The following TSR1 variants were observed in gnomAD, a reference collection of about 807,000 sequenced individuals.
The protein encoded by TSR1 is TSR1 ribosome maturation factor, also known as pre-rRNA-processing protein TSR1 homolog.
A neutral mutation model predicts 90.9 loss-of-function variants in TSR1; 81 were observed. The ratio of observed to expected loss-of-function variants is 0.89; its 90% confidence interval spans 0.74 to 1.07. The LOEUF (loss-of-function observed/expected upper bound fraction) is 1.07. Among genes scored for constraint, TSR1 ranks in the 50% least tolerant of loss-of-function variants. The pLI, the probability that TSR1 is intolerant of heterozygous loss-of-function variation, is 0.00. For synonymous variants in TSR1, 362 were observed against 348.8 expected (o/e 1.04, Z -0.42); for missense variants, 989 against 987.3 (o/e 1.00, Z -0.02).
chr17:2,330,627 T>G lies in TSR1; in HGVS notation c.1660-2A>C, dbSNP rs1423093502. The G allele has an allele frequency of 1.2e-6, 2 of 1,612,850 alleles. No individual in the cohort carries two copies. The highest frequency in any genetic ancestry group is 1.7e-5 in the Admixed American group (1 of 59,788). ...ATGAAGTGTGACATACCAGCCAACC[T>G]GCCACAAGAAAGCAGAAAGCAATCA... On this transcript the variant is annotated splice_acceptor_variant, in intron 9 of 14. Coordinates refer to ENST00000301364, the MANE Select transcript of TSR1 (RefSeq NM_018128.5). LOFTEE classifies it high-confidence loss of function.
In TSR1 at chr17:2,324,682, T is replaced by A. The variant is rs369408389; in HGVS notation, c.2161+7A>T. The A allele has an allele frequency of 6.8e-6, 11 of 1,613,988 alleles. No individual in the cohort carries two copies. The highest frequency in any genetic ancestry group is 9.3e-6 in the Non-Finnish European group (11 of 1,180,020). On this transcript the variant is annotated splice_region_variant and intron_variant, in intron 13 of 14. Transcript: ENST00000301364. ...AATCAGATCCCATCCTCCTCCTTCA[T>A]ACCCACCTCTGTTGAAGAACATGTA... is the stretch of plus-strand genomic sequence containing the variant.
intron 11 of TSR1, among the ~76,000 whole-genome samples, chr17:2,328,105 T>C (rs1195385158): frequency 6.6e-6 from 1 of 151,250 alleles, no homozygotes; most frequent in East Asian, 1.9e-4. Context: ...TAGCTAGGCG[T>C]GGTGGCGGGT....
At position 2,333,705 on chromosome 17, in the gene TSR1, C is replaced by T. The variant is rs780392734; in HGVS notation, c.993G>A (p.Thr331=). 16 of 1,613,866 alleles carry T rather than the reference C, an allele frequency of 9.9e-6. No homozygotes were observed. The highest frequency in any genetic ancestry group is 1.6e-4 in the Middle Eastern group (1 of 6,084). Residue 331 remains threonine, a synonymous_variant, in exon 6 of 15, where the codon ACG becomes ACA. Transcript: ENST00000301364. ...DPDMAMEICA[T]DAVDDMEEGL... is the part of the protein sequence containing the mutation. ...CTTCTTCCATATCATCTACAGCATC[C>T]GTAGCACAAATCTGAAAACCAAAAG...
chr17:2,325,010 C>CT (rs2075567186), intron 12 of TSR1, 181 bp from the exon 13 acceptor site: 1 of 658,270 alleles, frequency 1.5e-6, no homozygotes, highest in African/African-American at 1.8e-5. Flanking sequence ...TTCTTGAAAA[C>CT]TTGTACTTCA....
In TSR1 at chr17:2,332,151, A is replaced by G; in HGVS notation, c.1496+18T>C. ...GTATTGACTGAATTTAGATTTGTTGATAGACTTGTTGACTAACCGAATTCG... is the reference window on the plus strand; with the variant it reads ...GTATTGACTGAATTTAGATTTGTTGGTAGACTTGTTGACTAACCGAATTCG... On this transcript the variant is annotated intron_variant, in intron 8 of 14. Transcript: ENST00000301364. 6.2e-7 allele frequency: 1 copy of G among 1,604,516 alleles called. No homozygotes were observed. Among genetic ancestry groups the G allele is most frequent in the Non-Finnish European group, 8.5e-7 (1 of 1,177,812 alleles).
chr17:2,328,764 A>C (rs1193051410), intron 11 of TSR1, among the ~76,000 whole-genome samples: 5 of 151,324 alleles, frequency 3.3e-5, no homozygotes, highest in Non-Finnish European at 7.4e-5. Context: ...AAAATACAAA[A>C]AATTAGCTGG....
chr17:2,329,276 C>A, intron 11 of TSR1, 67 bp downstream of exon 11: 1 of 1,609,102 alleles, frequency 6.2e-7, no homozygotes, highest in African/African-American at 1.3e-5. Flanking sequence ...TATTTTGGCA[C>A]CCCTCCACCA....
chr17:2,335,448 A>G (rs1415394805), intron 3 of TSR1, 54 bp from the exon 4 acceptor site: 1 of 179,564 alleles, frequency 5.6e-6, no homozygotes, highest in Non-Finnish European at 1.2e-5. Context: ...ACATTATTCT[A>G]AAAAAAAAAA....
Position 2,330,987 on chromosome 17 carries a change from A to G in TSR1, c.1619T>C (p.Ile540Thr). 1.2e-6 allele frequency: 2 copies of G among 1,606,094 alleles called. No individual in the cohort carries two copies. The highest frequency in any genetic ancestry group is 1.7e-6 in the Non-Finnish European group (2 of 1,178,010). The change falls in exon 9 of 15, where the codon ATC becomes ACC. Residue 540 changes from isoleucine (I) to threonine (T), a missense_variant. By Grantham distance (89) the Ile-to-Thr change is moderately conservative (BLOSUM62 -1). Transcript: ENST00000301364. The stretch of plus-strand genomic sequence containing the variant: ...CTCTTTTTCTTCAACCTCTTTAAAG[A>G]TGCTTTTCCTAGTGTTAGTAAAGTT... ...FQNFTNTRKS[I>T]FKEVEEKEVE...
chr17:2,324,387 C>A lies in TSR1; in HGVS notation c.2237-13G>T. The A allele has an allele frequency of 6.3e-7, 1 of 1,583,106 alleles. No homozygotes were observed. The highest frequency in any genetic ancestry group is 8.6e-7 in the Non-Finnish European group (1 of 1,166,588). ...TGGCCATGGGTACCTAGAAAGACAT[C>A]AGAACAAGTCGGTCAAATTAAAAGT... On this transcript the variant is annotated splice_polypyrimidine_tract_variant and intron_variant, in intron 14 of 14. Coordinates refer to ENST00000301364, the MANE Select transcript of TSR1 (RefSeq NM_018128.5).
At position 2,323,638 on chromosome 17, in the gene TSR1, C is replaced by T; in HGVS notation, c.*558G>A. Reference sequence around the variant, plus strand: ...GACTCCCCTTTCACTAATTCCTACTCCCTTCCATATCAACAGTGTGCAACC... The same window carrying T: ...GACTCCCCTTTCACTAATTCCTACTTCCTTCCATATCAACAGTGTGCAACC... On this transcript the variant is annotated 3_prime_UTR_variant, in exon 15 of 15. Transcript: ENST00000301364. 1 of 1,612,534 alleles carries T rather than the reference C, an allele frequency of 6.2e-7. No individual in the cohort carries two copies.
chr17:2,333,533 AC>A (rs748710845), intron 6 of TSR1, 23 bp downstream of exon 6: 46 of 1,613,806 alleles, frequency 2.9e-5, no homozygotes, highest in Non-Finnish European at 3.9e-5. Context: ...CAGATGAATT[AC>A]AGACAAGTTT....
chr17:2,329,443 G>T lies in TSR1; in HGVS notation c.1803C>A (p.Asp601Glu). 6.2e-7 allele frequency: 1 copy of T among 1,614,108 alleles called. No individual in the cohort carries two copies. The highest frequency in any genetic ancestry group is 8.5e-7 in the Non-Finnish European group (1 of 1,180,032). ...CTTTCACAGGTTCAGTGTTGCCAGGGTCACGCCTCACCACCATATTCAATA... is the reference window on the plus strand; with the variant it reads ...CTTTCACAGGTTCAGTGTTGCCAGGTTCACGCCTCACCACCATATTCAATA... ...MSVLNMVVRR[D>E]PGNTEPVKAK... is the part of the protein sequence containing the mutation. Residue 601 changes from aspartate (D) to glutamate (E), a missense_variant, in exon 11 of 15, where the codon GAC becomes GAA. Coordinates refer to ENST00000301364, the MANE Select transcript of TSR1 (RefSeq NM_018128.5).
In TSR1 at chr17:2,329,156, A is replaced by T. The variant is rs753057992; in HGVS notation, c.1903+187T>A. The T allele has an allele frequency of 8.5e-6, 8 of 937,524 alleles. No individual in the cohort carries two copies. The South Asian group carries it at 1.0e-4, about 12-fold the overall frequency. The allele number at this position is 937,524 out of a possible 1,614,324, so 58.1% of individuals were successfully genotyped here. A position where few individuals can be genotyped will look rare whatever the true frequency, so the allele number is the denominator to read the frequency against. On this transcript the variant is annotated intron_variant, in intron 11 of 14. Coordinates refer to ENST00000301364, the MANE Select transcript of TSR1 (RefSeq NM_018128.5). Reference sequence around the variant, plus strand: ...CTCAGTATCACACAGAAGTTGCATCACTGGGATGCTTCAGACAGGTTCAGA... The same window carrying T: ...CTCAGTATCACACAGAAGTTGCATCTCTGGGATGCTTCAGACAGGTTCAGA...
rs140491317 is a variant in TSR1 at position 2,322,921 on chromosome 17, C to A, written c.*1275G>T. On this transcript the variant is annotated 3_prime_UTR_variant, in exon 15 of 15. Transcript: ENST00000301364. Reference sequence around the variant, plus strand: ...CTGGGATTACAGGGGTCTGCCACCACGCCTGGCTGATTTTCCTATTTTTAG... The same window carrying A: ...CTGGGATTACAGGGGTCTGCCACCAAGCCTGGCTGATTTTCCTATTTTTAG... 1.9e-6 allele frequency: 1 copy of A among 514,516 alleles called. No homozygotes were observed. The highest frequency in any genetic ancestry group is 3.6e-5 in the East Asian group (1 of 28,160). The allele number at this position is 514,516 out of a possible 1,614,324, so 31.9% of individuals were successfully genotyped here.
Position 2,334,878 on chromosome 17 carries a change from AT to A in TSR1, c.574del (p.Ile192PhefsTer6). 1 of 1,612,472 alleles carries A rather than the reference AT, an allele frequency of 6.2e-7. No individual in the cohort carries two copies. The highest frequency in any genetic ancestry group is 1.1e-5 in the South Asian group (1 of 91,082). ...LPTYTLAVQG[I>X]SGLPLKKQID... ...TTGTTTCTTCAGTGGGAGGCCAGAA[AT>A]CCCCTGGACAGCTAGTGCTGTAAGC... On this transcript the variant is annotated frameshift_variant, in exon 5 of 15. Coordinates refer to ENST00000301364, the MANE Select transcript of TSR1 (RefSeq NM_018128.5). LOFTEE classifies it high-confidence loss of function.
chr17:2,330,653 T>TG (rs2075599535), intron 9 of TSR1, 28 bp from the exon 10 acceptor site: 6 of 1,602,074 alleles, frequency 3.7e-6, no homozygotes, highest in Non-Finnish European at 5.1e-6. Flanking sequence ...AAAGCAATCA[T>TG]GGAGTTACCT....
chr17:2,335,035 A>C lies in TSR1; in HGVS notation c.557-139T>G. 7 of 1,104,078 alleles carry C rather than the reference A, an allele frequency of 6.3e-6. No homozygotes were observed. In the South Asian group the frequency reaches 8.0e-5, roughly 13 times the overall value. 68.4% of individuals were successfully genotyped at this position (1,104,078 alleles called of 1,614,324 possible). A position where few individuals can be genotyped will look rare whatever the true frequency, so the allele number is the denominator to read the frequency against. On this transcript the variant is annotated intron_variant, in intron 4 of 14. Transcript: ENST00000301364. ...CCCAACACTGAACTACCCTGAAGGA[A>C]TTTCACAGTGAAATCAAACTTCATA...
At chr17:2,324,900 T>C in intron 12 of TSR1, 71 bp from the exon 13 acceptor site, 1 of 1,522,940 alleles carries the variant, frequency 6.6e-7, no homozygotes, top group Non-Finnish European at 8.8e-7. Flanking sequence ...CCCAGTCCAT[T>C]TAAAGACCCA....
Sources: gnomAD v4.1 joint callset for allele counts (sites outside exome capture counted in the v4.1 genomes callset) on GRCh38, gnomAD v4.1.1 for gene constraint, MANE v1.5 for transcripts, NCBI Gene and HGNC (gene_info 2026-07-23, HGNC 2026-07-21) for gene names.